EXOC4: variants seen among roughly 807,000 people sequenced by gnomAD.
EXOC4 encodes exocyst complex component 4.
In EXOC4, 71 loss-of-function variants were observed where a neutral mutation model predicts 107.2. The observed-to-expected ratio is 0.66, with a 90% CI of 0.55 to 0.81. The LOEUF is 0.81. Among genes scored for constraint, EXOC4 ranks in the 30% least tolerant of loss-of-function variants. The pLI is 0.00. For synonymous variants in EXOC4, 456 were observed against 441.2 expected (o/e 1.03, Z -0.42); for missense variants, 1,108 against 1,189.6 (o/e 0.93, Z 1.01).
At chr7:133,317,134 G>T in intron 4 of EXOC4, 150 bp from the exon 5 acceptor site, 1 of 566,930 alleles carries the variant, frequency 1.8e-6, no homozygotes. Context: ...AATATACTGG[G>T]GAGATCCAGT....
At chr7:133,491,262 A>G (rs559536424) in intron 9 of EXOC4, among the ~76,000 whole-genome samples, 8 of 152,316 alleles carry the variant, frequency 5.3e-5, no homozygotes, top group Middle Eastern at 3.4e-3. Flanking sequence ...TAGAATTGTG[A>G]TGACATCTAC....
chr7:133,515,420 T>C (rs752252557), intron 9 of EXOC4, among the ~76,000 whole-genome samples: 7 of 152,128 alleles, frequency 4.6e-5, no homozygotes, highest in Non-Finnish European at 8.8e-5. Flanking sequence ...CACGTGTATA[T>C]ATGTACACAC....
chr7:133,739,786 A>G (rs1320776994), intron 10 of EXOC4, among the ~76,000 whole-genome samples: 4 of 152,198 alleles, frequency 2.6e-5, no homozygotes, highest in African/African-American at 9.6e-5. Flanking sequence ...GAAAGCCACC[A>G]AAGCAAATAA....
rs1404336593 is a variant in EXOC4, at chr7:133,610,991, T to C, written c.1418-19054T>C. ...GATTCCTGGCTGTTTTCTCTATTTT[T>C]TTTTTTTTTTTTGTAGAGATGGAGT... On this transcript the variant is annotated intron_variant, in intron 9 of 17. Transcript: ENST00000253861. Among the ~76,000 whole-genome samples the C allele has an allele frequency of 9.9e-4, 149 of 150,246 alleles. 1 individual carries two copies. Among genetic ancestry groups the C allele is most frequent in the Middle Eastern group, 3.4e-3 (1 of 290 alleles).
chr7:133,512,550 G>A (rs189936415), intron 9 of EXOC4, among the ~76,000 whole-genome samples: 5 of 152,118 alleles, frequency 3.3e-5, no homozygotes, highest in African/African-American at 1.2e-4. Context: ...GCAAGAAAGG[G>A]CATGCCAAAC....
intron 9 of EXOC4, among the ~76,000 whole-genome samples, chr7:133,509,248 G>A (rs545153913): frequency 8.5e-5 from 13 of 152,068 alleles, no homozygotes; most frequent in Non-Finnish European, 1.9e-4. Flanking sequence ...CTAACGTGGT[G>A]AAACCCCATT....
chr7:133,955,210 T>C (rs1410877147), intron 14 of EXOC4, among the ~76,000 whole-genome samples: 1 of 152,218 alleles, frequency 6.6e-6, no homozygotes, highest in Non-Finnish European at 1.5e-5. Flanking sequence ...TGTTCAAGTG[T>C]TGTGTGAGCA....
intron 9 of EXOC4, among the ~76,000 whole-genome samples, chr7:133,521,837 T>C (rs1420217777): frequency 6.6e-6 from 1 of 152,118 alleles, no homozygotes; most frequent in Non-Finnish European, 1.5e-5. Flanking sequence ...GCCAGGATGG[T>C]CTCGATCTGC....
At chr7:133,348,940 C>T (rs770261728) in intron 5 of EXOC4, among the ~76,000 whole-genome samples, 6 of 152,122 alleles carry the variant, frequency 3.9e-5, no homozygotes, top group Non-Finnish European at 4.4e-5. Flanking sequence ...ATCAAATGCA[C>T]TCCACATTGC....
chr7:133,936,060 C>T (rs1800292790), intron 13 of EXOC4, among the ~76,000 whole-genome samples: 1 of 152,172 alleles, frequency 6.6e-6, no homozygotes, highest in Non-Finnish European at 1.5e-5. Context: ...ACCCTTGCCA[C>T]TCAAGGAAAA....
chr7:133,303,147 T>C (rs1340776677), intron 3 of EXOC4, among the ~76,000 whole-genome samples: 1 of 152,162 alleles, frequency 6.6e-6, no homozygotes, highest in African/African-American at 2.4e-5. Context: ...ATAAGATTAA[T>C]GTTAGGGCTG....
At chr7:133,973,597 A>G (rs1233678393) in intron 14 of EXOC4, among the ~76,000 whole-genome samples, 1 of 152,210 alleles carries the variant, frequency 6.6e-6, no homozygotes, top group Non-Finnish European at 1.5e-5. Flanking sequence ...GTGGAGGACA[A>G]TGTCAAGCTA....
rs1203837455 is a variant in EXOC4 at position 133,787,963 on chromosome 7, T to TTTTATATATATA, written c.1515-29361_1515-29360insTTATATATATAT. Among the ~76,000 whole-genome samples the TTTTATATATATA allele has an allele frequency of 2.4e-4, 10 of 40,978 alleles. 1 individual carries two copies. The highest frequency in any genetic ancestry group is 7.4e-4 in the African/African-American group (9 of 12,148). The allele number at this position is 40,978 out of a possible 152,430, so 26.9% of individuals were successfully genotyped here. A position where few individuals can be genotyped will look rare whatever the true frequency, so the allele number is the denominator to read the frequency against. On this transcript the variant is annotated intron_variant, in intron 10 of 17. Transcript: ENST00000253861. Reference sequence around the variant, plus strand: ...CTTCCCTGTGCATATATTTATATATTTATATATATATATATATATATATAT... The same window carrying TTTTATATATATA: ...CTTCCCTGTGCATATATTTATATATTTTTATATATATATATATATATATATATATATATATAT...
Position 133,835,608 on chromosome 7 carries a change from C to G in EXOC4, c.1734+18064C>G, listed in dbSNP as rs182973905. On this transcript the variant is annotated intron_variant, in intron 11 of 17. Coordinates refer to ENST00000253861, the MANE Select transcript of EXOC4 (RefSeq NM_021807.4). Reference sequence around the variant, plus strand: ...AGCAGTTTCCAGCTTCGCTTTCTCCCTTTAGATTAGTGAATTGGGGGTCCC... The same window carrying G: ...AGCAGTTTCCAGCTTCGCTTTCTCCGTTTAGATTAGTGAATTGGGGGTCCC... Among the ~76,000 whole-genome samples, 17 of 152,246 alleles carry G rather than the reference C, an allele frequency of 1.1e-4. No homozygotes were observed. The East Asian group carries it at 1.5e-3, about 14-fold the overall frequency.
intron 10 of EXOC4, among the ~76,000 whole-genome samples, chr7:133,686,853 C>T (rs1451735908): frequency 6.6e-6 from 1 of 152,130 alleles, no homozygotes; most frequent in African/African-American, 2.4e-5. Context: ...AATCCCACTA[C>T]TGGGTATCTG....
intron 11 of EXOC4, among the ~76,000 whole-genome samples, chr7:133,823,888 A>AAAT (rs1797622393): frequency 9.0e-5 from 2 of 22,214 alleles, no homozygotes; most frequent in African/African-American, 1.2e-3. Context: ...ATATATATAT[A>AAAT]TATATTTTAT....
chr7:133,786,224 AGTC>A (rs1796566455), intron 10 of EXOC4, among the ~76,000 whole-genome samples: 2 of 152,200 alleles, frequency 1.3e-5, no homozygotes, highest in African/African-American at 4.8e-5. Flanking sequence ...CCTCAGCAGG[AGTC>A]GTCTGCAAAT....
At chr7:133,814,100 G>A (rs1251321047) in intron 10 of EXOC4, among the ~76,000 whole-genome samples, 1 of 152,090 alleles carries the variant, frequency 6.6e-6, no homozygotes, top group African/African-American at 2.4e-5. Flanking sequence ...ATTATTAAAA[G>A]TTATAATTCA....
chr7:134,001,901 A>T (rs1161370094), intron 15 of EXOC4, among the ~76,000 whole-genome samples: 1 of 152,214 alleles, frequency 6.6e-6, no homozygotes, highest in African/African-American at 2.4e-5. Flanking sequence ...ATGCTATTTT[A>T]CATGGTCTTC....
Sources: gnomAD v4.1 joint callset for allele counts (sites outside exome capture counted in the v4.1 genomes callset) on GRCh38, gnomAD v4.1.1 for gene constraint, MANE v1.5 for transcripts, NCBI Gene and HGNC (gene_info 2026-07-23, HGNC 2026-07-21) for gene names.